CEP164: variants seen among roughly 807,000 people sequenced by gnomAD.
The protein encoded by CEP164 is centrosomal protein of 164 kDa.
Under a neutral mutation model 182.7 loss-of-function variants are expected in CEP164, and 162 were observed. The ratio of observed to expected loss-of-function variants is 0.89; its 90% confidence interval spans 0.78 to 1.01. The LOEUF (loss-of-function observed/expected upper bound fraction) is 1.01, where lower values mean the gene tolerates loss of function less well. CEP164 is among the 50% of genes least tolerant of loss of function. CEP164 has a pLI of 0.00. For missense variants in CEP164, 1,735 were observed against 1,790.4 expected (o/e 0.97, Z 0.56); for synonymous variants, 661 against 690.0 (o/e 0.96, Z 0.66).
At chr11:117,354,215 A>C (rs544665128) in intron 5 of CEP164, among the ~76,000 whole-genome samples, 1 of 151,840 alleles carries the variant, frequency 6.6e-6, no homozygotes, top group Non-Finnish European at 1.5e-5. Context: ...ATGGGGTTTC[A>C]CCATGATGGC....
chr11:117,331,014 C>A (rs758477565), intron 1 of CEP164, among the ~76,000 whole-genome samples: 7 of 152,194 alleles, frequency 4.6e-5, no homozygotes, highest in Non-Finnish European at 8.8e-5. Flanking sequence ...TCCACCTTCT[C>A]CCCTTTACCT....
rs1159739655 is a variant in CEP164, at chr11:117,371,208, C to CAAA, written c.895_897dup (p.Lys299dup). 2 of 1,614,032 alleles carry CAAA rather than the reference C, an allele frequency of 1.2e-6. No individual in the cohort carries two copies. The highest frequency in any genetic ancestry group is 2.7e-5 in the African/African-American group (2 of 74,906). ...ACAGCAGTCTGAGCAGTGCTGTTGG[C>CAAA]AAAGGGCGACAGGGAAGTGGAGCAA... On this transcript the variant is annotated inframe_insertion, in exon 9 of 33. Transcript: ENST00000278935.
At chr11:117,343,629 CTTT>C (rs558296878) in intron 3 of CEP164, among the ~76,000 whole-genome samples, 2 of 129,706 alleles carry the variant, frequency 1.5e-5, no homozygotes, top group Non-Finnish European at 3.2e-5. Flanking sequence ...TATTTTTTGC[CTTT>C]TTTTTTTTTT....
At chr11:117,340,540 A>G (rs1286108565) in intron 3 of CEP164, among the ~76,000 whole-genome samples, 1 of 151,588 alleles carries the variant, frequency 6.6e-6, no homozygotes, top group African/African-American at 2.4e-5. Flanking sequence ...TTTGTTTTCC[A>G]TATTTTTGTT....
Position 117,408,896 on chromosome 11 carries a change from G to A in CEP164, c.3616G>A (p.Asp1206Asn). The A allele has an allele frequency of 6.2e-7, 1 of 1,614,146 alleles. No individual in the cohort carries two copies. Among genetic ancestry groups the A allele is most frequent in the Admixed American group, 1.7e-5 (1 of 60,022 alleles). The part of the protein sequence containing the change: ...LESSLWEEAS[D>N]EGTLGGSPTK... ...TGCTGACTTTACCCCACAGGCCTCA[G>A]ATGAGGGCACTCTGGGAGGATCCCC... Residue 1206 changes from aspartate to asparagine, a missense_variant, in exon 29 of 33, where the codon GAT becomes AAT. Physicochemically the swap from Asp to Asn is conservative, Grantham distance 23 (BLOSUM62 1). Transcript: ENST00000278935.
At chr11:117,395,819 G>T in intron 24 of CEP164, 97 bp downstream of exon 24, 1 of 1,413,514 alleles carries the variant, frequency 7.1e-7, no homozygotes. Context: ...AGGGAGAGGT[G>T]GAGTCCCAGC....
rs1228581136 is a variant in CEP164 at position 117,351,950 on chromosome 11, A to AAAGAC, written c.360_364dup (p.Lys122ThrfsTer18). 2 of 1,608,770 alleles carry AAAGAC rather than the reference A, an allele frequency of 1.2e-6. No individual in the cohort carries two copies. Among genetic ancestry groups the AAAGAC allele is most frequent in the Non-Finnish European group, 1.7e-6 (2 of 1,177,658 alleles). The stretch of plus-strand genomic sequence containing the variant: ...GAAGAAGAAAAAAAAAAAGGAAAAG[A>AAAGAC]AAGACAAGAAGGACAGAGACCCCCC... On this transcript the variant is annotated frameshift_variant, in exon 5 of 33. Transcript: ENST00000278935. LOFTEE classifies it high-confidence loss of function.
rs572511103 is a variant in CEP164 at position 117,393,204 on chromosome 11, C to T, written c.2616+78C>T. 233 of 1,551,846 alleles carry T rather than the reference C, an allele frequency of 1.5e-4. No homozygotes were observed. The African/African-American group carries it at 2.9e-3, about 19-fold the overall frequency. Reference sequence around the variant, plus strand: ...ACGCACATGCACACACACATGCACACACACATGCACGCACATGCACACACA... The same window carrying T: ...ACGCACATGCACACACACATGCACATACACATGCACGCACATGCACACACA... On this transcript the variant is annotated intron_variant, in intron 20 of 32. Transcript: ENST00000278935.
chr11:117,372,172 A>G (rs995834423), intron 9 of CEP164, among the ~76,000 whole-genome samples: 1 of 148,016 alleles, frequency 6.8e-6, no homozygotes, highest in Non-Finnish European at 1.5e-5. Context: ...CAGTGGTGCA[A>G]TCTTGGCTCA....
At chr11:117,367,873 A>C (rs951912609) in intron 8 of CEP164, among the ~76,000 whole-genome samples, 1 of 152,218 alleles carries the variant, frequency 6.6e-6, no homozygotes, top group African/African-American at 2.4e-5. Flanking sequence ...CATCATCTTG[A>C]ATAGTTAATT....
Position 117,394,315 on chromosome 11 carries a change from G to A in CEP164, c.2617-35G>A, listed in dbSNP as rs1185350656. 4 of 1,565,832 alleles carry A rather than the reference G, an allele frequency of 2.6e-6. No homozygotes were observed. Among genetic ancestry groups the A allele is most frequent in the Middle Eastern group, 1.7e-4 (1 of 5,920 alleles). On this transcript the variant is annotated intron_variant, in intron 20 of 32. Transcript: ENST00000278935. The surrounding 1 kb of genome is among the most constrained non-coding windows in gnomAD (Gnocchi z 4.0). The stretch of plus-strand genomic sequence containing the variant: ...GATTTTTGTGGTAGAAGGGGCTGCC[G>A]CAGCTTCCCACCGGTGGGCCCACCC...
At chr11:117,347,952 T>G (rs2039130858) in intron 4 of CEP164, among the ~76,000 whole-genome samples, 1 of 151,994 alleles carries the variant, frequency 6.6e-6, no homozygotes, top group South Asian at 2.1e-4. Context: ...GTACTGAAGT[T>G]GGTTTGTTGT....
chr11:117,324,821 G>A (rs2134529336), upstream of CEP164, among the ~76,000 whole-genome samples: 1 of 152,242 alleles, frequency 6.6e-6, no homozygotes, highest in East Asian at 1.9e-4. Context: ...GGCCAACATG[G>A]TGAAACCCTG....
At position 117,338,031 on chromosome 11, in the gene CEP164, T is replaced by A. The variant is rs645305; in HGVS notation, c.-21-535T>A. 3.9e-5 allele frequency among the ~76,000 whole-genome samples: 6 copies of A among 151,958 alleles called. No homozygotes were observed. In the East Asian group the frequency reaches 1.2e-3, roughly 29 times the overall value. ...TTTTTGGGGAAATTTTTTGCCCTTA[T>A]CTTAGCACTCTCAGAACAGGAAGTT... is the stretch of plus-strand genomic sequence containing the variant. On this transcript the variant is annotated intron_variant, in intron 2 of 32. Coordinates refer to ENST00000278935, the MANE Select transcript of CEP164 (RefSeq NM_014956.5).
chr11:117,389,938 C>CTTTTTT (rs34794541), intron 15 of CEP164, among the ~76,000 whole-genome samples: 1 of 94,612 alleles, frequency 1.1e-5, no homozygotes, highest in Non-Finnish European at 2.1e-5. Context: ...CAGTAGTTTG[C>CTTTTTT]TTTTTTTTTT....
chr11:117,387,399 G>T lies in CEP164; in HGVS notation c.1921G>T (p.Glu641Ter). 1 of 1,614,138 alleles carries T rather than the reference G, an allele frequency of 6.2e-7. No homozygotes were observed. The highest frequency in any genetic ancestry group is 8.5e-7 in the Non-Finnish European group (1 of 1,180,032). Residue 641 changes from glutamate (E) to a stop codon, truncating the protein, a stop_gained, in exon 15 of 33, where the codon GAG (glutamate) becomes TAG (stop). Transcript: ENST00000278935. LOFTEE classifies it high-confidence loss of function. ...GATCCTCCGGCTTCACCAGCAGAAA[G>T]AGCAATCTCTCAGGTCCTGCCCTTC... ...EEILRLHQQKEQSLSSLRERL... is the reference protein window; with the variant it reads ...EEILRLHQQK
chr11:117,411,785 T>TC lies in CEP164; in HGVS notation c.4164-8dup. On this transcript the variant is annotated splice_polypyrimidine_tract_variant and intron_variant, in intron 31 of 32. Transcript: ENST00000278935. This position sits in a 1 kb window ranked among gnomAD's most constrained non-coding sequence, Gnocchi z 4.4. ...CTCTCCCCTCGCCATGCTCTCCTCT[T>TC]CCTTCCCAGTGAGCAGCTCCGGCTC... 6.2e-7 allele frequency: 1 copy of TC among 1,614,036 alleles called. No individual in the cohort carries two copies. Among genetic ancestry groups the TC allele is most frequent in the African/African-American group, 1.3e-5 (1 of 75,030 alleles).
chr11:117,335,246 G>T (rs964244907), intron 1 of CEP164, among the ~76,000 whole-genome samples: 3 of 152,204 alleles, frequency 2.0e-5, no homozygotes, highest in African/African-American at 2.4e-5. Flanking sequence ...GGGTTCTTCT[G>T]AGGGTTGGGA....
chr11:117,401,478 A>G (rs1288011259), intron 27 of CEP164, among the ~76,000 whole-genome samples: 1 of 152,202 alleles, frequency 6.6e-6, no homozygotes, highest in African/African-American at 2.4e-5. Context: ...TGGTATCAGG[A>G]TGATGCTGGC....
Sources: allele counts gnomAD v4.1 joint callset (sites outside exome capture counted in the v4.1 genomes callset), GRCh38; gene constraint gnomAD v4.1.1; non-coding constraint Gnocchi (gnomAD v3.1); transcripts MANE v1.5; gene names NCBI Gene and HGNC (gene_info 2026-07-23, HGNC 2026-07-21).